HEATR4: variants seen among roughly 807,000 people sequenced by gnomAD.
HEATR4 encodes HEAT repeat containing 4, also known as HEAT repeat-containing protein 4.
A neutral mutation model predicts 108.8 loss-of-function variants in HEATR4; 95 were observed. The ratio of observed to expected loss-of-function variants is 0.87; its 90% CI spans 0.74 to 1.04. The LOEUF is 1.04. Ranked by LOEUF, HEATR4 falls within the 50% of genes least tolerant of loss-of-function variation. The pLI is 0.00. For synonymous variants in HEATR4, 443 were observed against 459.4 expected (o/e 0.96, Z 0.46); for missense variants, 1,152 against 1,253.8 (o/e 0.92, Z 1.23).
chr14:73,580,287 C>A, the HEATR4 span, among the ~76,000 whole-genome samples: 2 of 151,980 alleles, frequency 1.3e-5, no homozygotes, highest in Non-Finnish European at 2.9e-5. Context: ...TGCCACCATG[C>A]CCAGCTAATT....
the HEATR4 span, chr14:73,592,007 C>T: frequency 1.4e-6 from 2 of 1,429,616 alleles, no homozygotes; most frequent in Non-Finnish European, 1.8e-6. Context: ...GCTGCTGGAA[C>T]GAGCCGGTGC....
chr14:73,590,696 G>A, the HEATR4 span, among the ~76,000 whole-genome samples: 6,801 of 152,034 alleles, frequency 0.045, 235 homozygotes, highest in South Asian at 0.097. Flanking sequence ...GCCCCTCACT[G>A]CCCGGGGCTT....
the HEATR4 span, chr14:73,593,665 G>A: frequency 1.3e-6 from 2 of 1,554,010 alleles, no homozygotes; most frequent in Non-Finnish European, 1.7e-6. Context: ...TCTTTAAATT[G>A]TATAATGGCT....
intron 10 of HEATR4, among the ~76,000 whole-genome samples, chr14:73,505,158 C>T (rs1025417340): frequency 2.0e-5 from 3 of 152,104 alleles, no homozygotes; most frequent in African/African-American, 7.2e-5. Context: ...CTCAAGTGAT[C>T]CACCCGCCTC....
At chr14:73,599,560 T>C in the HEATR4 span, among the ~76,000 whole-genome samples, 1 of 151,918 alleles carries the variant, frequency 6.6e-6, no homozygotes. Context: ...TCATATCCCT[T>C]CCTGAGTTCC....
intron 5 of HEATR4, 123 bp downstream of exon 5, chr14:73,518,900 C>T: frequency 2.2e-6 from 2 of 891,592 alleles, no homozygotes; most frequent in Non-Finnish European, 3.4e-6. Flanking sequence ...AGGGGATTGC[C>T]TAGATGCTAA....
chr14:73,556,251 C>T (rs1434075835), intron 1 of HEATR4, among the ~76,000 whole-genome samples: 2 of 111,270 alleles, frequency 1.8e-5, no homozygotes, highest in Non-Finnish European at 3.9e-5. Context: ...TGGCGAAACC[C>T]CATCTCTACT....
chr14:73,485,117 T>C (rs1449418194), intron 17 of HEATR4, among the ~76,000 whole-genome samples: 1 of 151,842 alleles, frequency 6.6e-6, no homozygotes, highest in Admixed American at 6.6e-5. Flanking sequence ...TGAGCCGAGA[T>C]TGCACCACTG....
At chr14:73,508,071 T>C in intron 9 of HEATR4, 63 bp downstream of exon 9, 1 of 1,473,846 alleles carries the variant, frequency 6.8e-7, no homozygotes, top group South Asian at 1.2e-5. Flanking sequence ...TTGCTTACAT[T>C]CACTGACCTC....
chr14:73,595,064 A>T, the HEATR4 span: 2 of 1,613,858 alleles, frequency 1.2e-6, no homozygotes, highest in South Asian at 2.2e-5. Context: ...AGGCCCAGGC[A>T]TTGGGCTTTT....
At chr14:73,614,508 G>A in the HEATR4 span, among the ~76,000 whole-genome samples, 1 of 151,978 alleles carries the variant, frequency 6.6e-6, no homozygotes. Context: ...GGGAGGCTGA[G>A]GTGGGTGGAT....
the HEATR4 span, among the ~76,000 whole-genome samples, chr14:73,575,901 CA>C: frequency 1.1e-4 from 16 of 149,818 alleles, 1 homozygote; most frequent in Non-Finnish European, 2.1e-4. Flanking sequence ...CCTGTAATGC[CA>C]GCACTTTGGG....
the HEATR4 span, chr14:73,592,400 G>C: frequency 6.5e-7 from 1 of 1,534,268 alleles, no homozygotes; most frequent in Non-Finnish European, 8.7e-7. Context: ...TGCGCGCCAC[G>C]CTCTTCCTGC....
At chr14:73,599,078 T>C in the HEATR4 span, among the ~76,000 whole-genome samples, 2 of 152,094 alleles carry the variant, frequency 1.3e-5, 1 homozygote, top group Non-Finnish European at 2.9e-5. Flanking sequence ...AAAATACATG[T>C]ATAAGCCAAC....
the HEATR4 span, among the ~76,000 whole-genome samples, chr14:73,576,066 T>C: frequency 2.0e-5 from 3 of 151,874 alleles, no homozygotes; most frequent in Non-Finnish European, 2.9e-5. Flanking sequence ...GGCAGGAGAA[T>C]TGCTTGAACC....
chr14:73,538,882 C>T lies in HEATR4; in HGVS notation c.-151-8638G>A, dbSNP rs538347372. Among the ~76,000 whole-genome samples the T allele has an allele frequency of 1.2e-4, 13 of 112,354 alleles. 3 individuals carry two copies. In the South Asian group the frequency reaches 3.8e-3, roughly 32 times the overall value. The allele number at this position is 112,354 out of a possible 152,430, so 73.7% of individuals were successfully genotyped here. ...ACTCGGGAGTCTGAGGCAGGAGAAT[C>T]GCTGGAACCCTGGAGGCAGAGGTTG... On this transcript the variant is annotated intron_variant, in intron 1 of 17. Coordinates refer to ENST00000553558, the MANE Select transcript of HEATR4 (RefSeq NM_001220484.1).
the HEATR4 span, chr14:73,612,918 C>A: frequency 7.4e-7 from 1 of 1,354,086 alleles, no homozygotes; most frequent in African/African-American, 1.5e-5. Context: ...GACACCGAGC[C>A]CGGGCGGCTG....
the HEATR4 span, chr14:73,580,850 TGAAAG>T: frequency 1.3e-5 from 2 of 151,852 alleles, no homozygotes; most frequent in Non-Finnish European, 2.9e-5. Flanking sequence ...TATTTCAAGA[TGAAAG>T]GAAACTCATA....
chr14:73,512,384 C>G (rs1473693403), intron 6 of HEATR4, among the ~76,000 whole-genome samples: 5 of 152,184 alleles, frequency 3.3e-5, no homozygotes. Context: ...GTATCTATCT[C>G]TCTTTCTTTA....
Sources: allele counts gnomAD v4.1 joint callset (sites outside exome capture counted in the v4.1 genomes callset), GRCh38; gene constraint gnomAD v4.1.1; transcripts MANE v1.5; gene names NCBI Gene and HGNC (gene_info 2026-07-23, HGNC 2026-07-21).